Variants in HACD2 observed in about 807,000 individuals in gnomAD.
HACD2 encodes the protein very-long-chain (3R)-3-hydroxyacyl-CoA dehydratase 2.
Under a neutral mutation model 31.0 loss-of-function variants are expected in HACD2, and 15 were observed. The observed-to-expected ratio is 0.48, with a 90% CI of 0.32 to 0.75. The LOEUF is 0.75. Ranked by LOEUF, HACD2 falls within the 30% of genes least tolerant of loss-of-function variation. The probability of loss-of-function intolerance (pLI) is 0.03; values close to 1 mark genes in which losing one functional copy is unlikely to be tolerated. For synonymous variants in HACD2, 115 were observed against 122.2 expected (o/e 0.94, Z 0.39); for missense variants, 283 against 313.0 (o/e 0.90, Z 0.72).
chr3:123,554,335 G>T (rs76015301), intron 3 of HACD2, among the ~76,000 whole-genome samples: 17,185 of 151,770 alleles, frequency 0.11, 1,536 homozygotes, highest in African/African-American at 0.26. Context: ...CATTTAAAAA[G>T]ATATAAAGAC....
rs1194151517 is a variant in HACD2, at chr3:123,491,915, G to C, written c.*2973C>G. The stretch of plus-strand genomic sequence containing the variant: ...TGAAACTCAGAACTGCAAGTAATTT[G>C]CAGGTTGTACCATATCAATGCCAAC... On this transcript the variant is annotated 3_prime_UTR_variant, in exon 7 of 7. Transcript: ENST00000383657. 1 of 152,206 alleles carries C rather than the reference G, an allele frequency of 6.6e-6. No individual in the cohort carries two copies. The highest frequency in any genetic ancestry group is 1.5e-5 in the Non-Finnish European group (1 of 68,024). 9.4% of individuals were successfully genotyped at this position (152,206 alleles called of 1,614,324 possible).
chr3:123,532,796 T>C (rs923268448), intron 3 of HACD2, among the ~76,000 whole-genome samples: 4 of 127,130 alleles, frequency 3.1e-5, no homozygotes, highest in Non-Finnish European at 6.2e-5. Context: ...AACGTGCCAC[T>C]GTACTCCAGC....
rs908937037 is a variant in HACD2 at position 123,493,081 on chromosome 3, G to A, written c.*1807C>T. The A allele has an allele frequency of 1.3e-5, 2 of 152,248 alleles. No individual in the cohort carries two copies. The highest frequency in any genetic ancestry group is 4.8e-5 in the African/African-American group (2 of 41,476). The allele number at this position is 152,248 out of a possible 1,614,324, so 9.4% of individuals were successfully genotyped here. On this transcript the variant is annotated 3_prime_UTR_variant, in exon 7 of 7. Coordinates refer to ENST00000383657, the MANE Select transcript of HACD2 (RefSeq NM_198402.5). ...AAATTTAGTTTTCCAGGGGTTGGGT[G>A]CAGTGGCTCATGCCTGCAATCCCAG...
At chr3:123,542,146 C>CAAAAAAAAAAAAAAAAAAAAAAAAAAA (rs11391480) in intron 3 of HACD2, among the ~76,000 whole-genome samples, 1 of 41,104 alleles carries the variant, frequency 2.4e-5, no homozygotes, top group Non-Finnish European at 3.4e-5. Context: ...GACTCCGTCT[C>CAAAAAAAAAAAAAAAAAAAAAAAAAAA]AAAAAAAAAA....
intron 4 of HACD2, among the ~76,000 whole-genome samples, chr3:123,523,161 A>G (rs73188545): frequency 0.16 from 24,335 of 152,246 alleles, 2,116 homozygotes; most frequent in Non-Finnish European, 0.2. Flanking sequence ...AGGACCCAGC[A>G]GGGAGGAAAA....
chr3:123,533,326 T>C (rs947800300), intron 3 of HACD2, among the ~76,000 whole-genome samples: 14 of 152,188 alleles, frequency 9.2e-5, no homozygotes, highest in African/African-American at 3.4e-4. Flanking sequence ...TTTTTGTATT[T>C]TTAGCAGAGA....
At chr3:123,495,600 A>T (rs1576722230) in intron 6 of HACD2, among the ~76,000 whole-genome samples, 1 of 10,908 alleles carries the variant, frequency 9.2e-5, no homozygotes, top group Non-Finnish European at 1.3e-3. Context: ...GGATGTTAAA[A>T]AAAAAAAAAA....
At chr3:123,571,571 C>T (rs1446460189) in intron 2 of HACD2, among the ~76,000 whole-genome samples, 1 of 152,208 alleles carries the variant, frequency 6.6e-6, no homozygotes, top group Non-Finnish European at 1.5e-5. Context: ...CTCCTACCGA[C>T]AGCTAGCAAG....
intron 3 of HACD2, among the ~76,000 whole-genome samples, chr3:123,555,987 G>C (rs768630234): frequency 6.6e-6 from 1 of 152,130 alleles, no homozygotes; most frequent in African/African-American, 2.4e-5. Flanking sequence ...ACAACTGGAT[G>C]ACTATATGTA....
chr3:123,511,982 C>A (rs575184629), intron 4 of HACD2, among the ~76,000 whole-genome samples: 7 of 152,124 alleles, frequency 4.6e-5, no homozygotes, highest in Non-Finnish European at 7.4e-5. Flanking sequence ...CAGGCTGGAT[C>A]CCTTCACCTT....
At chr3:123,498,955 G>A (rs1485595160) in intron 6 of HACD2, among the ~76,000 whole-genome samples, 2 of 152,214 alleles carry the variant, frequency 1.3e-5, no homozygotes, top group Non-Finnish European at 2.9e-5. Context: ...GATGGAGGCT[G>A]CCCTGGGGAG....
chr3:123,510,492 CCCG>C (rs1188703872), intron 4 of HACD2, among the ~76,000 whole-genome samples: 1 of 152,186 alleles, frequency 6.6e-6, no homozygotes, highest in Non-Finnish European at 1.5e-5. Flanking sequence ...ACATGATCTG[CCCG>C]CCTTGGCCTC....
chr3:123,583,437 T>A (rs143251115), intron 1 of HACD2, among the ~76,000 whole-genome samples: 1,547 of 152,284 alleles, frequency 0.01, 6 homozygotes, highest in Non-Finnish European at 0.017. Flanking sequence ...GATGTTTTTT[T>A]AAAAATCAAT....
intron 4 of HACD2, among the ~76,000 whole-genome samples, chr3:123,509,439 C>T (rs1227370669): frequency 6.6e-6 from 1 of 151,632 alleles, no homozygotes; most frequent in Non-Finnish European, 1.5e-5. Context: ...CTAGATTTGG[C>T]CTATAGGCCA....
chr3:123,584,754 C>G (rs1019534262), intron 1 of HACD2, 119 bp downstream of exon 1: 2 of 788,508 alleles, frequency 2.5e-6, no homozygotes, highest in Middle Eastern at 4.0e-4. Flanking sequence ...TCCCGGGCAC[C>G]CCCCGCCGGG....
chr3:123,562,826 C>T (rs1237282272), intron 3 of HACD2, among the ~76,000 whole-genome samples: 1 of 152,154 alleles, frequency 6.6e-6, no homozygotes, highest in Admixed American at 6.5e-5. Flanking sequence ...AAATAAGTTT[C>T]TGAAGACTAA....
chr3:123,558,569 T>TA (rs898791125), intron 3 of HACD2, among the ~76,000 whole-genome samples: 3 of 152,046 alleles, frequency 2.0e-5, no homozygotes, highest in Non-Finnish European at 4.4e-5. Flanking sequence ...AAAACTGCTC[T>TA]AAAAAAATAG....
At chr3:123,517,088 AG>A (rs1357972567) in intron 4 of HACD2, among the ~76,000 whole-genome samples, 7 of 152,360 alleles carry the variant, frequency 4.6e-5, no homozygotes, top group African/African-American at 1.7e-4. Context: ...TATTCCATGA[AG>A]GGAAAAATTC....
intron 2 of HACD2, among the ~76,000 whole-genome samples, chr3:123,577,792 C>G (rs554071334): frequency 1.8e-4 from 28 of 152,192 alleles, no homozygotes; most frequent in African/African-American, 6.7e-4. Flanking sequence ...TAACATCTGC[C>G]TCATCAATGA....
Sources: gnomAD v4.1 joint callset for allele counts (sites outside exome capture counted in the v4.1 genomes callset) on GRCh38, gnomAD v4.1.1 for gene constraint, MANE v1.5 for transcripts, NCBI Gene and HGNC (gene_info 2026-07-23, HGNC 2026-07-21) for gene names.